Variants in GPM6A observed in about 807,000 individuals in gnomAD.
GPM6A encodes the protein glycoprotein M6A, also known as neuronal membrane glycoprotein M6-a.
Under a neutral mutation model 32.1 loss-of-function variants are expected in GPM6A, and 7 were observed. The ratio of observed to expected loss-of-function variants is 0.22; its 90% CI spans 0.12 to 0.41. GPM6A has a LOEUF of 0.41. Ranked by LOEUF, GPM6A falls within the 10% of genes least tolerant of loss-of-function variation. GPM6A has a pLI of 1.00. For synonymous variants in GPM6A, 130 were observed against 123.4 expected, an observed-to-expected ratio of 1.05 and a Z score of -0.35; for missense variants, 235 against 347.2, an observed-to-expected ratio of 0.68 and a Z score of 2.57.
At chr4:175,912,815 G>A (rs1431799915) in intron 1 of GPM6A, among the ~76,000 whole-genome samples, 1 of 152,134 alleles carries the variant, frequency 6.6e-6, no homozygotes, top group Non-Finnish European at 1.5e-5. Context: ...GATGGTGAGA[G>A]TTAAATGAGG....
chr4:175,812,977 G>T (rs1331670994), upstream of GPM6A: 1 of 985,176 alleles, frequency 1.0e-6, no homozygotes, highest in African/African-American at 1.7e-5. Flanking sequence ...GATTTAAAAA[G>T]AAATAGAAGC....
intron 1 of GPM6A, among the ~76,000 whole-genome samples, chr4:175,968,200 G>A (rs908461434): frequency 6.6e-6 from 1 of 151,650 alleles, no homozygotes; most frequent in African/African-American, 2.4e-5. Flanking sequence ...CAAAGATGCT[G>A]GAACAAGTAG....
At chr4:175,934,673 A>C (rs1282350704) in intron 1 of GPM6A, among the ~76,000 whole-genome samples, 1 of 152,234 alleles carries the variant, frequency 6.6e-6, no homozygotes, top group African/African-American at 2.4e-5. Context: ...TAAAAAAGAA[A>C]TTAACTTTCT....
At chr4:175,890,153 G>C (rs1737596068) in intron 1 of GPM6A, among the ~76,000 whole-genome samples, 1 of 152,116 alleles carries the variant, frequency 6.6e-6, no homozygotes, top group South Asian at 2.1e-4. Context: ...TTGATAACAA[G>C]TACTGTTGAA....
At chr4:175,969,527 G>A (rs748004439) in intron 1 of GPM6A, among the ~76,000 whole-genome samples, 1 of 152,050 alleles carries the variant, frequency 6.6e-6, no homozygotes, top group African/African-American at 2.4e-5. Flanking sequence ...TGGCCAACAT[G>A]GTGAAAGCCC....
chr4:175,946,834 T>C (rs1467272958), intron 1 of GPM6A, among the ~76,000 whole-genome samples: 1 of 152,136 alleles, frequency 6.6e-6, no homozygotes, highest in Admixed American at 6.6e-5. Flanking sequence ...TGTTTCTGAT[T>C]TGGGGAGTGA....
intron 1 of GPM6A, among the ~76,000 whole-genome samples, chr4:175,828,418 T>A (rs1428698999): frequency 6.6e-6 from 1 of 152,244 alleles, no homozygotes; most frequent in East Asian, 1.9e-4. Context: ...TAAATTGTAT[T>A]TTAATTGTTC....
At chr4:175,813,000 G>C (rs1431293749), upstream of GPM6A, 2 of 984,780 alleles carry the variant, frequency 2.0e-6, no homozygotes, top group Non-Finnish European at 2.4e-6. Flanking sequence ...GGCTGTCAAA[G>C]GAGTGAGTAT....
At chr4:175,956,882 A>G (rs541656476) in intron 1 of GPM6A, among the ~76,000 whole-genome samples, 2 of 152,338 alleles carry the variant, frequency 1.3e-5, no homozygotes, top group African/African-American at 4.8e-5. Context: ...TCTCTAATAT[A>G]AACATGAGAA....
At chr4:175,723,992 T>C (rs1183927134) in intron 1 of GPM6A, among the ~76,000 whole-genome samples, 1 of 152,202 alleles carries the variant, frequency 6.6e-6, no homozygotes, top group Non-Finnish European at 1.5e-5. Context: ...GAAATCAGTA[T>C]ACCTATGAGA....
intron 1 of GPM6A, among the ~76,000 whole-genome samples, chr4:175,983,044 A>T (rs1277597165): frequency 6.6e-6 from 1 of 152,146 alleles, no homozygotes; most frequent in East Asian, 1.9e-4. Flanking sequence ...TATTTTGTCA[A>T]GTGACTTTTA....
chr4:175,753,120 A>G (rs1049838986), intron 1 of GPM6A, among the ~76,000 whole-genome samples: 1 of 152,198 alleles, frequency 6.6e-6, no homozygotes, highest in African/African-American at 2.4e-5. Flanking sequence ...ACAATACATG[A>G]AACAATCCCA....
intron 1 of GPM6A, among the ~76,000 whole-genome samples, chr4:175,712,882 G>T (rs1745634000): frequency 6.6e-6 from 1 of 152,160 alleles, no homozygotes; most frequent in African/African-American, 2.4e-5. Context: ...AGAAAGTTCT[G>T]GCACCTTTTA....
chr4:175,700,710 TTATAAA>T lies in GPM6A; in HGVS notation c.230+859_230+864del, dbSNP rs1291968924. Among the ~76,000 whole-genome samples the T allele has an allele frequency of 4.6e-5, 7 of 152,270 alleles. No individual in the cohort carries two copies. In the South Asian group the frequency reaches 1.2e-3, roughly 27 times the overall value. On this transcript the variant is annotated intron_variant, in intron 2 of 6. Coordinates refer to ENST00000393658, the MANE Select transcript of GPM6A (RefSeq NM_201591.3). Reference sequence around the variant, plus strand: ...AACAGCATGAAATAAACACAAGAAGTTATAAATATAACAAAAGCTATAAGGGCTCAG... The same window carrying T: ...AACAGCATGAAATAAACACAAGAAGTTATAACAAAAGCTATAAGGGCTCAG...
At chr4:175,827,101 G>C (rs1175534517) in intron 1 of GPM6A, among the ~76,000 whole-genome samples, 1 of 152,086 alleles carries the variant, frequency 6.6e-6, no homozygotes, top group Non-Finnish European at 1.5e-5. Flanking sequence ...TTACAGACGA[G>C]GAAAATGGGG....
At chr4:175,831,976 G>A (rs1463631408) in intron 1 of GPM6A, among the ~76,000 whole-genome samples, 1 of 151,752 alleles carries the variant, frequency 6.6e-6, no homozygotes, top group Non-Finnish European at 1.5e-5. Flanking sequence ...TCCTCGGCTT[G>A]CCAAAGTGCT....
chr4:175,805,562 G>A (rs563860047), intron 1 of GPM6A, among the ~76,000 whole-genome samples: 87 of 152,102 alleles, frequency 5.7e-4, no homozygotes, highest in African/African-American at 2.0e-3. Flanking sequence ...CTTTGATGGA[G>A]GTAAGTAAAG....
intron 3 of GPM6A, among the ~76,000 whole-genome samples, chr4:175,658,419 G>C (rs910938897): frequency 1.1e-4 from 16 of 152,146 alleles, no homozygotes; most frequent in African/African-American, 3.6e-4. Context: ...AAGTGTAGGG[G>C]GGGTGAGAGG....
At chr4:175,651,501 A>C (rs1348004053) in intron 4 of GPM6A, among the ~76,000 whole-genome samples, 1 of 152,112 alleles carries the variant, frequency 6.6e-6, no homozygotes, top group Non-Finnish European at 1.5e-5. Flanking sequence ...GGGAGGATAA[A>C]AGTAGAATGC....
Sources: allele counts gnomAD v4.1 joint callset (sites outside exome capture counted in the v4.1 genomes callset), GRCh38; gene constraint gnomAD v4.1.1; transcripts MANE v1.5; gene names NCBI Gene and HGNC (gene_info 2026-07-23, HGNC 2026-07-21).